The following NELFB variants were observed in gnomAD, a reference collection of about 807,000 sequenced individuals.
NELFB encodes the protein negative elongation factor complex member B.
Under a neutral mutation model 60.2 loss-of-function variants are expected in NELFB, and 34 were observed. The ratio of observed to expected loss-of-function variants is 0.56; its 90% CI spans 0.43 to 0.75. The LOEUF (loss-of-function observed/expected upper bound fraction) is 0.75. Ranked by LOEUF, NELFB falls within the 30% of genes least tolerant of loss-of-function variation. The probability of loss-of-function intolerance (pLI) is 0.00; values close to 1 mark genes in which losing one functional copy is unlikely to be tolerated. For missense variants in NELFB, 770 were observed against 831.6 expected (o/e 0.93, Z 0.91); for synonymous variants, 459 against 382.1 (o/e 1.20, Z -2.35).
intron 4 of NELFB, 42 bp downstream of exon 4, chr9:137,257,096 G>C (rs762603130): frequency 6.4e-7 from 1 of 1,554,662 alleles, no homozygotes; most frequent in Non-Finnish European, 8.8e-7. Context: ...ACCTCTTGGG[G>C]ATGCCACGGC....
At chr9:137,260,043 A>AT (rs1160761549) in intron 4 of NELFB, among the ~76,000 whole-genome samples, 1 of 141,288 alleles carries the variant, frequency 7.1e-6, no homozygotes, top group East Asian at 2.1e-4. Flanking sequence ...TTTTATTTTT[A>AT]TTTATTTTAT....
rs760276299 is a variant in NELFB, at chr9:137,263,122, G to T, written c.827G>T (p.Arg276Leu). Residue 276 changes from arginine to leucine, a missense_variant, in exon 5 of 13, where the codon CGC becomes CTC. Coordinates refer to ENST00000343053, the MANE Select transcript of NELFB (RefSeq NM_015456.5). The stretch of plus-strand genomic sequence containing the variant: ...CAGTTTCTGCGCACGCTCTTCCTGC[G>T]CACGCGGAATGTGCACTACTGCACG... 2 of 1,614,086 alleles carry T rather than the reference G, an allele frequency of 1.2e-6. No homozygotes were observed. The highest frequency in any genetic ancestry group is 1.7e-6 in the Non-Finnish European group (2 of 1,180,000).
rs1294465268 is a variant in NELFB at position 137,256,214 on chromosome 9, C to T, written c.411-115C>T. 1.5e-5 allele frequency: 20 copies of T among 1,337,424 alleles called. No homozygotes were observed. In the Admixed American group the frequency reaches 1.9e-4, roughly 13 times the overall value. The allele number at this position is 1,337,424 out of a possible 1,614,324, so 82.8% of individuals were successfully genotyped here. On this transcript the variant is annotated intron_variant, in intron 2 of 12. Transcript: ENST00000343053. Reference sequence around the variant, plus strand: ...GCCTGTGTCTGAGTGACCCCTTGACCCATGTGTCCTGGGCGTGGAGGCTTG... The same window carrying T: ...GCCTGTGTCTGAGTGACCCCTTGACTCATGTGTCCTGGGCGTGGAGGCTTG...
chr9:137,264,231 C>T lies in NELFB; in HGVS notation c.928-14C>T. On this transcript the variant is annotated splice_polypyrimidine_tract_variant and intron_variant, in intron 5 of 12. Transcript: ENST00000343053. The stretch of plus-strand genomic sequence containing the variant: ...GAGGTTTGGGCTGGTCCCGACCGTG[C>T]TTCCTCCTTGCAGTTCACCTGGTGC... 6.4e-7 allele frequency: 1 copy of T among 1,568,390 alleles called. No homozygotes were observed. Among genetic ancestry groups the T allele is most frequent in the Non-Finnish European group, 8.6e-7 (1 of 1,156,700 alleles).
At chr9:137,257,290 G>T (rs542077350) in intron 4 of NELFB, among the ~76,000 whole-genome samples, 1 of 152,210 alleles carries the variant, frequency 6.6e-6, no homozygotes. Context: ...TAAAATCTGC[G>T]GAAAGCCCGC....
intron 7 of NELFB, 82 bp downstream of exon 7, chr9:137,266,061 A>G: frequency 1.8e-6 from 2 of 1,127,078 alleles, no homozygotes; most frequent in South Asian, 1.3e-5. Flanking sequence ...TGTGGACAGC[A>G]GCGGCCAGGT....
intron 6 of NELFB, 21 bp downstream of exon 6, chr9:137,264,378 G>C: frequency 1.3e-6 from 2 of 1,544,210 alleles, no homozygotes; most frequent in South Asian, 2.4e-5. Context: ...GCTCCACGAG[G>C]CCTCTGCCCC....
In NELFB at chr9:137,266,199, G is replaced by A. The variant is rs573009398; in HGVS notation, c.1144-132G>A. The A allele has an allele frequency of 1.6e-4, 131 of 821,456 alleles. No homozygotes were observed. The African/African-American group carries it at 2.1e-3, about 13-fold the overall frequency. 50.9% of individuals were successfully genotyped at this position (821,456 alleles called of 1,614,324 possible). On this transcript the variant is annotated intron_variant, in intron 7 of 12. Coordinates refer to ENST00000343053, the MANE Select transcript of NELFB (RefSeq NM_015456.5). ...AGACTGCGTTTCACCCCGTGTGTGG[G>A]GCTGGTGATCGCAGTCGTGTGGTCC...
chr9:137,264,164 G>T (rs1830490553), intron 5 of NELFB, 81 bp from the exon 6 acceptor site: 1 of 1,063,194 alleles, frequency 9.4e-7, no homozygotes, highest in Non-Finnish European at 1.4e-6. Flanking sequence ...AGAGGCCAGG[G>T]CCTGGAGCTG....
chr9:137,259,144 T>C (rs1210584298), intron 4 of NELFB, among the ~76,000 whole-genome samples: 2 of 152,138 alleles, frequency 1.3e-5, no homozygotes, highest in Non-Finnish European at 1.5e-5. Flanking sequence ...TGAGGTATGA[T>C]TGAGCCACTG....
Position 137,273,151 on chromosome 9 carries a change from C to T in NELFB, c.*223C>T. On this transcript the variant is annotated 3_prime_UTR_variant, in exon 13 of 13. Coordinates refer to ENST00000343053, the MANE Select transcript of NELFB (RefSeq NM_015456.5). ...TCCCAGGGCAGAGCCTCTCCTTGTA[C>T]TTTGGCAGCCATAGAAAGCGTGCTC... The T allele has an allele frequency of 2.3e-6, 1 of 443,234 alleles. No individual in the cohort carries two copies. Among genetic ancestry groups the T allele is most frequent in the Middle Eastern group, 5.9e-4 (1 of 1,696 alleles). 27.5% of individuals were successfully genotyped at this position (443,234 alleles called of 1,614,324 possible). A position where few individuals can be genotyped will look rare whatever the true frequency, so the allele number is the denominator to read the frequency against.
In NELFB at chr9:137,273,168, A is replaced by G; in HGVS notation, c.*240A>G. ...TCCTTGTACTTTGGCAGCCATAGAA[A>G]GCGTGCTCATTTTCTGTTTTCCTGT... On this transcript the variant is annotated 3_prime_UTR_variant, in exon 13 of 13. Transcript: ENST00000343053. 2.4e-6 allele frequency: 1 copy of G among 414,794 alleles called. No individual in the cohort carries two copies. Among genetic ancestry groups the G allele is most frequent in the Middle Eastern group, 6.4e-4 (1 of 1,568 alleles). 25.7% of individuals were successfully genotyped at this position (414,794 alleles called of 1,614,324 possible). A position where few individuals can be genotyped will look rare whatever the true frequency, so the allele number is the denominator to read the frequency against.
chr9:137,270,741 C>T (rs549270834), intron 10 of NELFB, among the ~76,000 whole-genome samples: 8 of 152,228 alleles, frequency 5.3e-5, no homozygotes, highest in East Asian at 1.9e-4. Context: ...GCCAATGTGG[C>T]GAAACCCCAT....
intron 4 of NELFB, among the ~76,000 whole-genome samples, chr9:137,260,248 C>T (rs1418079406): frequency 4.7e-5 from 7 of 150,206 alleles, no homozygotes; most frequent in African/African-American, 7.3e-5. Flanking sequence ...GATGGGGTTT[C>T]ACCATGTTAG....
At chr9:137,265,825 T>C in intron 6 of NELFB, 52 bp from the exon 7 acceptor site, 1 of 1,257,704 alleles carries the variant, frequency 8.0e-7, no homozygotes. Flanking sequence ...ACTGTGCCGC[T>C]GAAGGGAGGG....
In NELFB at chr9:137,264,377, G is replaced by A. The variant is rs1392104615; in HGVS notation, c.1040+20G>A. ...GCTGGGGTGAGGGTCGGCTCCACGA[G>A]GCCTCTGCCCCTCAGGGCCCTGCGT... On this transcript the variant is annotated intron_variant, in intron 6 of 12. Transcript: ENST00000343053. The A allele has an allele frequency of 1.3e-6, 2 of 1,546,594 alleles. No individual in the cohort carries two copies. Among genetic ancestry groups the A allele is most frequent in the Admixed American group, 1.9e-5 (1 of 52,244 alleles).
Position 137,255,945 on chromosome 9 carries a change from C to T in NELFB, c.285C>T (p.Ala95=). 2 of 1,614,034 alleles carry T rather than the reference C, an allele frequency of 1.2e-6. No individual in the cohort carries two copies. Among genetic ancestry groups the T allele is most frequent in the African/African-American group, 1.3e-5 (1 of 75,032 alleles). ...TGCTGCTGCCATCTCTTCAGTCAGC[C>T]CTCCCCTTCTTGGACCTGCACGGGA... The change falls in exon 2 of 13, where the codon GCC becomes GCT. Residue 95 remains alanine (A), a synonymous_variant. Coordinates refer to ENST00000343053, the MANE Select transcript of NELFB (RefSeq NM_015456.5).
At chr9:137,257,954 C>T in intron 4 of NELFB, among the ~76,000 whole-genome samples, 1 of 151,770 alleles carries the variant, frequency 6.6e-6, no homozygotes, top group Non-Finnish European at 1.5e-5. Context: ...TGCCACCACA[C>T]TGGGGCTACT....
chr9:137,272,506 G>A lies in NELFB; in HGVS notation c.1632-1G>A. 1 of 1,611,378 alleles carries A rather than the reference G, an allele frequency of 6.2e-7. No individual in the cohort carries two copies. Among genetic ancestry groups the A allele is most frequent in the Non-Finnish European group, 8.5e-7 (1 of 1,179,172 alleles). On this transcript the variant is annotated splice_acceptor_variant, in intron 11 of 12. Coordinates refer to ENST00000343053, the MANE Select transcript of NELFB (RefSeq NM_015456.5). LOFTEE classifies it high-confidence loss of function. ...CCCCAGCCCTGCACGGCCTTTTCCA[G>A]GAAGGAGAACGTGCACCGGCACGCG...
Sources: gnomAD v4.1 joint callset for allele counts (sites outside exome capture counted in the v4.1 genomes callset) on GRCh38, gnomAD v4.1.1 for gene constraint, MANE v1.5 for transcripts, NCBI Gene and HGNC (gene_info 2026-07-23, HGNC 2026-07-21) for gene names.